Variants in NCK2 observed in about 807,000 individuals in gnomAD.
NCK2 encodes NCK adaptor protein 2, also known as cytoplasmic protein NCK2.
Under a neutral mutation model 33.9 loss-of-function variants are expected in NCK2, and 16 were observed. The ratio of observed to expected loss-of-function variants is 0.47; its 90% CI spans 0.32 to 0.72. The LOEUF (loss-of-function observed/expected upper bound fraction) is 0.72, where lower values mean the gene tolerates loss of function less well. NCK2 is among the 30% of genes least tolerant of loss of function. NCK2 has a pLI of 0.03. For synonymous variants in NCK2, 273 were observed against 239.9 expected (o/e 1.14, Z -1.27); for missense variants, 418 against 537.3 (o/e 0.78, Z 2.19).
intron 1 of NCK2, among the ~76,000 whole-genome samples, chr2:105,788,589 A>G (rs1006596061): frequency 3.9e-5 from 6 of 152,200 alleles, no homozygotes; most frequent in African/African-American, 1.4e-4. Context: ...CAATTATTAT[A>G]CTGTATATTA....
intron 1 of NCK2, among the ~76,000 whole-genome samples, chr2:105,748,036 AC>A (rs1689344369): frequency 1.3e-5 from 2 of 152,232 alleles, no homozygotes; most frequent in Non-Finnish European, 2.9e-5. Context: ...AGCAAGTATT[AC>A]CTCTGCCCAG....
intron 1 of NCK2, among the ~76,000 whole-genome samples, chr2:105,799,460 C>G (rs1201119197): frequency 6.6e-6 from 1 of 152,148 alleles, no homozygotes; most frequent in East Asian, 1.9e-4. Flanking sequence ...AAGGCTGTCT[C>G]TTCCCTGGGG....
chr2:105,855,995 C>G (rs1462350185), intron 3 of NCK2, among the ~76,000 whole-genome samples: 1 of 152,142 alleles, frequency 6.6e-6, no homozygotes, highest in Non-Finnish European at 1.5e-5. Flanking sequence ...CCACCACATC[C>G]GGCTAATTTT....
At chr2:105,803,303 G>C (rs547403577) in intron 1 of NCK2, among the ~76,000 whole-genome samples, 1 of 152,048 alleles carries the variant, frequency 6.6e-6, no homozygotes, top group Non-Finnish European at 1.5e-5. Flanking sequence ...GTTTTTTATA[G>C]GCACGTTTTC....
intron 1 of NCK2, among the ~76,000 whole-genome samples, chr2:105,760,567 C>G (rs1171949154): frequency 6.6e-6 from 1 of 152,184 alleles, no homozygotes; most frequent in Admixed American, 6.5e-5. Context: ...ACCACTTCTC[C>G]CACAGTTTTG....
intron 3 of NCK2, among the ~76,000 whole-genome samples, chr2:105,871,376 G>A (rs1173713574): frequency 6.6e-6 from 1 of 152,050 alleles, no homozygotes; most frequent in Admixed American, 6.6e-5. Context: ...CACGCTTTGG[G>A]ATCAACCCTC....
At chr2:105,848,967 A>C (rs541274690) in intron 2 of NCK2, among the ~76,000 whole-genome samples, 56 of 152,368 alleles carry the variant, frequency 3.7e-4, no homozygotes, top group Non-Finnish European at 4.3e-4. Flanking sequence ...TTATTTGCAC[A>C]TAGACAAATA....
chr2:105,764,229 C>T (rs1689860099), intron 1 of NCK2, among the ~76,000 whole-genome samples: 1 of 152,216 alleles, frequency 6.6e-6, no homozygotes, highest in South Asian at 2.1e-4. Context: ...GCCTTCAGCA[C>T]CTGTGGCACC....
chr2:105,756,141 AAG>A (rs1390836646), intron 1 of NCK2, among the ~76,000 whole-genome samples: 1 of 152,210 alleles, frequency 6.6e-6, no homozygotes, highest in Non-Finnish European at 1.5e-5. Flanking sequence ...CCTAGAGATG[AAG>A]AGAGCTGTCA....
At chr2:105,892,958 A>T (rs1042019249) in intron 4 of NCK2, 24 bp from the exon 5 acceptor site, 2 of 1,590,692 alleles carry the variant, frequency 1.3e-6, no homozygotes, top group African/African-American at 2.7e-5. Flanking sequence ...GCCCGGCTGT[A>T]ACTGTGTTCT....
intron 2 of NCK2, among the ~76,000 whole-genome samples, chr2:105,823,454 A>T (rs983822638): frequency 6.6e-6 from 1 of 151,920 alleles, no homozygotes; most frequent in Non-Finnish European, 1.5e-5. Context: ...TGCCTATCAG[A>T]ATCAATTTTC....
intron 4 of NCK2, among the ~76,000 whole-genome samples, chr2:105,888,318 A>T (rs896034539): frequency 4.6e-5 from 7 of 152,224 alleles, no homozygotes; most frequent in Non-Finnish European, 1.0e-4. Context: ...TAACAGGAAG[A>T]AGTGGTCTGA....
chr2:105,766,500 T>G (rs892030098), intron 1 of NCK2, among the ~76,000 whole-genome samples: 4 of 152,118 alleles, frequency 2.6e-5, no homozygotes, highest in Non-Finnish European at 4.4e-5. Context: ...TTTTAATTTT[T>G]GTTGTAGAGA....
Position 105,893,259 on chromosome 2 carries a change from G to T in NCK2, c.*83G>T, listed in dbSNP as rs1558892301. 7.5e-7 allele frequency: 1 copy of T among 1,339,740 alleles called. No homozygotes were observed. The highest frequency in any genetic ancestry group is 2.5e-5 in the East Asian group (1 of 39,558). 83.0% of individuals were successfully genotyped at this position (1,339,740 alleles called of 1,614,324 possible). ...CTTGTGGCAGAGGCTCCTCCCGCGG[G>T]GACGGCCCCGACGGCTTCTCTGCGA... On this transcript the variant is annotated 3_prime_UTR_variant, in exon 5 of 5. Coordinates refer to ENST00000233154, the MANE Select transcript of NCK2 (RefSeq NM_003581.5).
intron 1 of NCK2, among the ~76,000 whole-genome samples, chr2:105,766,856 A>G (rs554011091): frequency 1.1e-3 from 165 of 152,278 alleles, no homozygotes; most frequent in African/African-American, 3.5e-3. Context: ...TGACTTACAA[A>G]TTAATATTTA....
intron 1 of NCK2, among the ~76,000 whole-genome samples, chr2:105,805,262 C>T (rs989245792): frequency 5.3e-5 from 8 of 152,092 alleles, no homozygotes; most frequent in Admixed American, 6.5e-5. Context: ...GTTCCCAGTA[C>T]GGGGAGGAAA....
intron 3 of NCK2, among the ~76,000 whole-genome samples, chr2:105,861,975 G>T (rs928914332): frequency 1.5e-5 from 2 of 135,088 alleles, no homozygotes; most frequent in African/African-American, 5.9e-5. Context: ...CCTGCATAAT[G>T]GCTACAAGAA....
intron 2 of NCK2, among the ~76,000 whole-genome samples, chr2:105,824,967 G>A (rs1235691330): frequency 6.6e-6 from 1 of 152,190 alleles, no homozygotes; most frequent in African/African-American, 2.4e-5. Context: ...GAGCATCAGG[G>A]ATTCCCCCAA....
chr2:105,821,357 T>C lies in NCK2; in HGVS notation c.-17+4744T>C, dbSNP rs74744092. ...GGGTGTAGCTCTGGAGGTCTCATGA[T>C]ACCTGGAAGTAACTTGTGGAGTTTC... is the stretch of plus-strand genomic sequence containing the variant. On this transcript the variant is annotated intron_variant, in intron 2 of 4. Coordinates refer to ENST00000233154, the MANE Select transcript of NCK2 (RefSeq NM_003581.5). 6.9e-3 allele frequency among the ~76,000 whole-genome samples: 1,055 copies of C among 152,206 alleles called. 15 individuals carry two copies. Among genetic ancestry groups the C allele is most frequent in the African/African-American group, 0.023 (970 of 41,530 alleles).
Sources: gnomAD v4.1 joint callset for allele counts (sites outside exome capture counted in the v4.1 genomes callset) on GRCh38, gnomAD v4.1.1 for gene constraint, MANE v1.5 for transcripts, NCBI Gene and HGNC (gene_info 2026-07-23, HGNC 2026-07-21) for gene names.